The following SLC2A14 variants were observed in gnomAD, a reference collection of about 807,000 sequenced individuals.
The protein encoded by SLC2A14 is solute carrier family 2, facilitated glucose transporter member 14.
In SLC2A14, 13 loss-of-function variants were observed where a neutral mutation model predicts 43.0. The observed-to-expected ratio is 0.30, with a 90% CI of 0.20 to 0.48. SLC2A14 has a LOEUF of 0.48. SLC2A14 is among the 20% of genes least tolerant of loss of function. The pLI is 0.99. For missense variants in SLC2A14, 428 were observed against 620.4 expected (o/e 0.69, Z 3.29); for synonymous variants, 190 against 233.8 (o/e 0.81, Z 1.71).
At position 7,830,339 on chromosome 12, in the gene SLC2A14, G is replaced by C. The variant is rs762354586; in HGVS notation, c.273-333C>G. 1.5e-4 allele frequency among the ~76,000 whole-genome samples: 23 copies of C among 152,208 alleles called. 1 individual carries two copies. In the South Asian group the frequency reaches 4.8e-3, roughly 32 times the overall value. ...GCTAATTTTTTTGTATTTTAGTAGA[G>C]ATGGGGTTTCACCATCTTGACCAGG... is the stretch of plus-strand genomic sequence containing the variant. On this transcript the variant is annotated intron_variant, in intron 4 of 10. Coordinates refer to ENST00000431042, the MANE Select transcript of SLC2A14 (RefSeq NM_001286234.2).
intron 2 of SLC2A14, among the ~76,000 whole-genome samples, chr12:7,841,542 T>G (rs1171726372): frequency 1.3e-5 from 2 of 152,216 alleles, no homozygotes; most frequent in Admixed American, 1.3e-4. Flanking sequence ...ATTACAGGCG[T>G]GAGCCAGCTC....
rs1863886545 is a variant in SLC2A14 at position 7,821,277 on chromosome 12, G to A, written c.913C>T (p.Pro305Ser). 8 of 1,613,870 alleles carry A rather than the reference G, an allele frequency of 5.0e-6. No homozygotes were observed. The highest frequency in any genetic ancestry group is 6.8e-6 in the Non-Finnish European group (8 of 1,179,920). ...GIFKDAGVQQ[P>S]IYATISAGVV... ...CCCGCGCTGATGGTGGCATAGATGG[G>A]CTGTTGAACACCTGCATCCTTGAAG... Residue 305 changes from proline (P) to serine (S), a missense_variant, in exon 8 of 11, where the codon CCC (proline) becomes TCC (serine). Pro to Ser is a moderately conservative substitution (Grantham distance 74). Around this residue, in one of 4 missense-constraint regions of SLC2A14, gnomAD observed 185 missense variants for 275.4 expected, o/e 0.67. Coordinates refer to ENST00000431042, the MANE Select transcript of SLC2A14 (RefSeq NM_001286234.2).
intron 2 of SLC2A14, among the ~76,000 whole-genome samples, chr12:7,862,610 A>C (rs1217229047): frequency 2.6e-5 from 4 of 152,156 alleles, no homozygotes; most frequent in Non-Finnish European, 4.4e-5. Context: ...CACCTGCAGC[A>C]CCGGTGCGTG....
chr12:7,840,716 A>C (rs1865881711), intron 2 of SLC2A14, among the ~76,000 whole-genome samples: 1 of 152,178 alleles, frequency 6.6e-6, no homozygotes, highest in African/African-American at 2.4e-5. Flanking sequence ...GCATGAACAA[A>C]CTTAGACAGA....
upstream of SLC2A14, among the ~76,000 whole-genome samples, chr12:7,874,740 A>T (rs1226291944): frequency 1.5e-3 from 6 of 3,916 alleles, no homozygotes; most frequent in African/African-American, 3.7e-3. Context: ...AATATATAAA[A>T]ATATATATAA....
intron 1 of SLC2A14, among the ~76,000 whole-genome samples, chr12:7,870,619 A>G (rs4444157): frequency 0.54 from 82,389 of 151,560 alleles, 22,411 homozygotes; most frequent in South Asian, 0.69. Flanking sequence ...TCCTTATTTC[A>G]TTTTCATTTC....
intron 10 of SLC2A14, among the ~76,000 whole-genome samples, chr12:7,815,199 C>A (rs1422482465): frequency 6.6e-6 from 1 of 151,644 alleles, no homozygotes; most frequent in Admixed American, 6.6e-5. Context: ...TCCCTTGAGG[C>A]CAGGAGTTTG....
intron 1 of SLC2A14, among the ~76,000 whole-genome samples, chr12:7,878,996 AAAAAAAAAAC>A (rs1945516504): frequency 7.8e-6 from 1 of 128,392 alleles, no homozygotes; most frequent in East Asian, 2.3e-4. Context: ...AAAAAAAAAA[AAAAAAAAAAC>A]AATTTGTCTT....
chr12:7,822,668 C>A (rs77317253), intron 7 of SLC2A14, among the ~76,000 whole-genome samples: 131 of 119,118 alleles, frequency 1.1e-3, no homozygotes, highest in South Asian at 1.4e-3. Flanking sequence ...GACTCCATCT[C>A]AAAAAAAAAA....
Position 7,864,406 on chromosome 12 carries a change from T to G in SLC2A14, c.18+5457A>C, listed in dbSNP as rs564886237. Among the ~76,000 whole-genome samples, 200 of 152,266 alleles carry G rather than the reference T, an allele frequency of 1.3e-3. 1 individual carries two copies. The highest frequency in any genetic ancestry group is 2.4e-3 in the Non-Finnish European group (164 of 68,010). ...CCAGGCTGAGTGCAGTGGTGCAATC[T>G]CAGCTCACTGCAACCTCCGCCTCCC... On this transcript the variant is annotated intron_variant, in intron 2 of 10. Coordinates refer to ENST00000431042, the MANE Select transcript of SLC2A14 (RefSeq NM_001286234.2).
intron 2 of SLC2A14, among the ~76,000 whole-genome samples, chr12:7,859,681 T>C (rs1359071238): frequency 6.6e-6 from 1 of 152,098 alleles, no homozygotes; most frequent in East Asian, 1.9e-4. Context: ...TTTCAGAGAA[T>C]GTGGGGGAAG....
upstream of SLC2A14, among the ~76,000 whole-genome samples, chr12:7,874,921 ATATATT>A (rs1945416506): frequency 2.0e-5 from 1 of 50,906 alleles, no homozygotes; most frequent in African/African-American, 1.1e-4. Flanking sequence ...ATATATAAAT[ATATATT>A]TATATATAAT....
chr12:7,826,091 A>C (rs1291138255), intron 7 of SLC2A14, among the ~76,000 whole-genome samples: 2 of 152,012 alleles, frequency 1.3e-5, no homozygotes, highest in Non-Finnish European at 2.9e-5. Context: ...GCTGCTCTGG[A>C]AAGTCTCGGG....
upstream of SLC2A14, among the ~76,000 whole-genome samples, chr12:7,877,855 G>A (rs2121097467): frequency 6.6e-6 from 1 of 152,188 alleles, no homozygotes; most frequent in East Asian, 1.9e-4. Flanking sequence ...CAATTCTCTT[G>A]CACCAGCCTA....
At position 7,819,109 on chromosome 12, in the gene SLC2A14, C is replaced by T. The variant is rs184404625; in HGVS notation, c.1071+373G>A. Reference sequence around the variant, plus strand: ...GTGCATGCCTGTAATCACAGCTACTCGGGAGGCTGATGCAGGAGAATCACT... The same window carrying T: ...GTGCATGCCTGTAATCACAGCTACTTGGGAGGCTGATGCAGGAGAATCACT... On this transcript the variant is annotated intron_variant, in intron 9 of 10. Transcript: ENST00000431042. 5.6e-3 allele frequency among the ~76,000 whole-genome samples: 844 copies of T among 151,968 alleles called. 12 individuals are homozygous for T. The highest frequency in any genetic ancestry group is 0.019 in the African/African-American group (802 of 41,460).
At chr12:7,856,115 C>T (rs1867350329) in intron 2 of SLC2A14, 1 of 152,074 alleles carries the variant, frequency 6.6e-6, no homozygotes, top group African/African-American at 2.4e-5. Context: ...TTTTCCAAAA[C>T]TTCAGCTTTC....
chr12:7,837,083 C>T (rs1217356281), intron 2 of SLC2A14, among the ~76,000 whole-genome samples: 2 of 151,548 alleles, frequency 1.3e-5, no homozygotes, highest in Non-Finnish European at 2.9e-5. Flanking sequence ...AAGAGAATCG[C>T]TTGAACCTGG....
chr12:7,838,931 G>T (rs1865687830), intron 2 of SLC2A14, among the ~76,000 whole-genome samples: 2 of 151,776 alleles, frequency 1.3e-5, no homozygotes, highest in Admixed American at 6.6e-5. Context: ...AGAGGAAGAG[G>T]CATTAGGCCT....
chr12:7,824,024 G>A (rs1864145570), intron 7 of SLC2A14, among the ~76,000 whole-genome samples: 1 of 152,186 alleles, frequency 6.6e-6, no homozygotes, highest in South Asian at 2.1e-4. Flanking sequence ...GGGAGGCTGA[G>A]GTGAGTGGAT....
Sources: gnomAD v4.1 joint callset for allele counts (sites outside exome capture counted in the v4.1 genomes callset) on GRCh38, gnomAD v4.1.1 for gene constraint, gnomAD v4.1.1 regional missense constraint, MANE v1.5 for transcripts, NCBI Gene and HGNC (gene_info 2026-07-23, HGNC 2026-07-21) for gene names.